COL4A5: variants seen among roughly 807,000 people sequenced by gnomAD.
COL4A5 encodes the protein collagen alpha-5(IV) chain.
COL4A5 carries 26 observed loss-of-function variants against 130.2 expected under a neutral mutation model. That is an observed-to-expected ratio of 0.20 (90% CI 0.15 to 0.28). The LOEUF (loss-of-function observed/expected upper bound fraction) is 0.28. COL4A5 is among the 10% of genes least tolerant of loss of function. The pLI is 1.00. For missense variants in COL4A5, 1,131 were observed against 1,344.3 expected (o/e 0.84, Z 2.48); for synonymous variants, 496 against 439.6 (o/e 1.13, Z -1.60).
intron 1 of COL4A5, among the ~76,000 whole-genome samples, chrX:108,522,507 T>A (rs1402006468): frequency 9.7e-6 from 1 of 102,898 alleles, no homozygotes; most frequent in Non-Finnish European, 2.0e-5. Flanking sequence ...CATTGTGGTT[T>A]TGATTTTCTT....
At chrX:108,554,342 AAG>A (rs2065793583) in intron 2 of COL4A5, among the ~76,000 whole-genome samples, 1 of 111,540 alleles carries the variant, frequency 9.0e-6, no homozygotes, top group South Asian at 3.8e-4. Context: ...GGCAGCGGGA[AAG>A]AGAAGAGTGA....
At chrX:108,661,777 GT>G (rs1367670926) in intron 37 of COL4A5, among the ~76,000 whole-genome samples, 2 of 111,313 alleles carry the variant, frequency 1.8e-5, no homozygotes, top group African/African-American at 6.5e-5. Context: ...CAGTGATGGA[GT>G]TTTAGATTTT....
At chrX:108,565,840 G>C (rs1032882330) in intron 4 of COL4A5, among the ~76,000 whole-genome samples, 2 of 111,691 alleles carry the variant, frequency 1.8e-5, no homozygotes, top group East Asian at 2.8e-4. Flanking sequence ...GTACAGAACT[G>C]TACGCTTAAG....
At chrX:108,513,941 G>A (rs6622329) in intron 1 of COL4A5, among the ~76,000 whole-genome samples, 27,335 of 111,054 alleles carry the variant, frequency 0.25, 2,798 homozygotes, top group East Asian at 0.57. Context: ...ACTTAGTAAT[G>A]AAGTAGGGAT....
chrX:108,663,990 G>T (rs1439413847), intron 37 of COL4A5, among the ~76,000 whole-genome samples: 1 of 111,554 alleles, frequency 9.0e-6, no homozygotes, highest in Non-Finnish European at 1.9e-5. Flanking sequence ...TTTGAGACTG[G>T]CCTGGCCAAT....
At chrX:108,544,947 G>C (rs747836430) in intron 2 of COL4A5, among the ~76,000 whole-genome samples, 1 of 111,633 alleles carries the variant, frequency 9.0e-6, no homozygotes, top group East Asian at 2.8e-4. Flanking sequence ...TGTGGGATCG[G>C]TGGTGATATC....
rs370972364 is a variant in COL4A5 at position 108,626,323 on chromosome X, G to C, written c.3220G>C (p.Gly1074Arg). Residue 1074 changes from glycine to arginine, a missense_variant, in exon 36 of 53, where the codon GGT becomes CGT. Physicochemically the swap from Gly to Arg is moderately radical, Grantham distance 125. Transcript: ENST00000328300. The stretch of plus-strand genomic sequence containing the variant: ...AGGTGATCCTGGTATTTCAAGCATT[G>C]GTCTTCCAGGTCTTCCTGGTCCAAA... Reference protein sequence around the residue: ...DKGDPGISSIGLPGLPGPKGE... With the variant: ...DKGDPGISSIRLPGLPGPKGE... 2 of 1,210,437 alleles carry C rather than the reference G, an allele frequency of 1.7e-6. No individual in the cohort carries two copies. Among genetic ancestry groups the C allele is most frequent in the African/African-American group, 3.5e-5 (2 of 57,576 alleles).
chrX:108,474,811 A>G (rs952895668), intron 1 of COL4A5, among the ~76,000 whole-genome samples: 3 of 111,245 alleles, frequency 2.7e-5, no homozygotes, highest in Non-Finnish European at 5.7e-5. Context: ...TTTCTTCTTT[A>G]TGTGGATATC....
intron 1 of COL4A5, among the ~76,000 whole-genome samples, chrX:108,478,733 A>T (rs776172960): frequency 8.9e-6 from 1 of 111,964 alleles, no homozygotes; most frequent in Non-Finnish European, 1.9e-5. Flanking sequence ...GTGGAATACC[A>T]TGATGGTGGA....
intron 1 of COL4A5, among the ~76,000 whole-genome samples, chrX:108,485,828 A>G (rs2064938979): frequency 9.0e-6 from 1 of 110,877 alleles, no homozygotes; most frequent in East Asian, 2.8e-4. Context: ...GTGTCTCAGT[A>G]AGTCGTGTGC....
chrX:108,454,870 C>G (rs765906919), intron 1 of COL4A5, among the ~76,000 whole-genome samples: 1 of 111,685 alleles, frequency 9.0e-6, no homozygotes, highest in African/African-American at 3.2e-5. Flanking sequence ...ACCTCAGCCT[C>G]CCAAAGTGCT....
chrX:108,446,434 T>G lies in COL4A5; in HGVS notation c.81+6228T>G, dbSNP rs147732460. ...TTCCATATTTTTATTATTTTATTGC[T>G]ACAGCCGCCTTCATGGGGAATTAGT... On this transcript the variant is annotated intron_variant, in intron 1 of 52. Transcript: ENST00000328300. 3.0e-3 allele frequency among the ~76,000 whole-genome samples: 331 copies of G among 112,199 alleles called. 1 individual carries two copies. The highest frequency in any genetic ancestry group is 0.01 in the African/African-American group (319 of 30,925).
At chrX:108,640,021 A>G (rs2067431143) in intron 36 of COL4A5, among the ~76,000 whole-genome samples, 1 of 112,073 alleles carries the variant, frequency 8.9e-6, no homozygotes, top group Admixed American at 9.5e-5. Flanking sequence ...TGATCTAGCA[A>G]TTTCACTTCT....
At chrX:108,596,810 G>T (rs1426841406) in intron 22 of COL4A5, among the ~76,000 whole-genome samples, 188 bp from the exon 23 acceptor site, 8 of 111,971 alleles carry the variant, frequency 7.1e-5, no homozygotes, top group Non-Finnish European at 1.5e-4. Context: ...TTTTAAAAAG[G>T]ATGATTACCT....
At chrX:108,686,554 A>G (rs952219865) in intron 48 of COL4A5, among the ~76,000 whole-genome samples, 3 of 112,065 alleles carry the variant, frequency 2.7e-5, no homozygotes. Flanking sequence ...TTTAAGAGTC[A>G]TGGTGAAGTT....
intron 52 of COL4A5, 65 bp downstream of exon 52, chrX:108,695,504 A>G: frequency 6.8e-6 from 7 of 1,033,633 alleles, no homozygotes; most frequent in Non-Finnish European, 8.2e-6. Context: ...GAAGAAAGAG[A>G]CAATTTATGG....
At chrX:108,573,754 T>C in intron 9 of COL4A5, 100 bp downstream of exon 9, 1 of 598,816 alleles carries the variant, frequency 1.7e-6, no homozygotes, top group African/African-American at 2.2e-5. Flanking sequence ...TCATAAAAAT[T>C]ATCATCAGAT....
At chrX:108,536,408 A>G (rs998700877) in intron 1 of COL4A5, among the ~76,000 whole-genome samples, 9 of 110,784 alleles carry the variant, frequency 8.1e-5, no homozygotes, top group African/African-American at 2.9e-4. Flanking sequence ...TTCCTTACTC[A>G]TTTATTACTT....
intron 1 of COL4A5, among the ~76,000 whole-genome samples, chrX:108,445,393 C>T (rs2064442660): frequency 8.9e-6 from 1 of 111,983 alleles, no homozygotes; most frequent in Non-Finnish European, 1.9e-5. Flanking sequence ...ATTTATTCAG[C>T]AACTTCTAAG....
Sources: gnomAD v4.1 joint callset for allele counts (sites outside exome capture counted in the v4.1 genomes callset) on GRCh38, gnomAD v4.1.1 for gene constraint, MANE v1.5 for transcripts, NCBI Gene and HGNC (gene_info 2026-07-23, HGNC 2026-07-21) for gene names.